The following TP53I3 variants were observed in gnomAD, a reference collection of about 807,000 sequenced individuals.
The protein encoded by TP53I3 is tumor protein p53 inducible protein 3, also known as quinone oxidoreductase PIG3.
TP53I3 carries 32 observed loss-of-function variants against 27.7 expected under a neutral mutation model. The observed-to-expected ratio is 1.16, with a 90% CI of 0.87 to 1.55. The LOEUF is 1.55. Among genes scored for constraint, TP53I3 ranks in the 40% most tolerant of loss-of-function variants. TP53I3 has a pLI of 0.00. For synonymous variants in TP53I3, 138 were observed against 167.8 expected (o/e 0.82, Z 1.37); for missense variants, 372 against 412.3 (o/e 0.90, Z 0.85).
In TP53I3 at chr2:24,084,409, GA is replaced by G. The variant is rs1023706251; in HGVS notation, c.-84del. The stretch of plus-strand genomic sequence containing the variant: ...GACAGGACAGGGCAGGGCAGGACAG[GA>G]CAGGGCAGGGGCCGCTGTATCCTCG... On this transcript the variant is annotated 5_prime_UTR_variant, in exon 1 of 5. Transcript: ENST00000238721. This position sits in a 1 kb window ranked among gnomAD's most constrained non-coding sequence, Gnocchi z 8.4. 6.2e-4 allele frequency: 905 copies of G among 1,449,962 alleles called. No homozygotes were observed. Among genetic ancestry groups the G allele is most frequent in the Non-Finnish European group, 7.9e-4 (858 of 1,089,776 alleles). 89.8% of individuals were successfully genotyped at this position (1,449,962 alleles called of 1,614,324 possible).
In TP53I3 at chr2:24,084,351, CAGGGCAGGACAGGACAGGGCAG is replaced by C; in HGVS notation, c.-47_-26del. The C allele has an allele frequency of 1.4e-6, 2 of 1,395,960 alleles. No individual in the cohort carries two copies. Among genetic ancestry groups the C allele is most frequent in the Non-Finnish European group, 1.9e-6 (2 of 1,025,856 alleles). 86.5% of individuals were successfully genotyped at this position (1,395,960 alleles called of 1,614,324 possible). A position where few individuals can be genotyped will look rare whatever the true frequency, so the allele number is the denominator to read the frequency against. The stretch of plus-strand genomic sequence containing the variant: ...TATTGTCTGAGGACACAGGGCAGGG[CAGGGCAGGACAGGACAGGGCAG>C]GGCAGGGCAGGACAGGACAGGGCAG... On this transcript the variant is annotated 5_prime_UTR_variant, in exon 1 of 5. Coordinates refer to ENST00000238721, the MANE Select transcript of TP53I3 (RefSeq NM_004881.5). The surrounding 1 kb of genome is among the most constrained non-coding windows in gnomAD (Gnocchi z 8.4).
rs1664801767 is a variant in TP53I3, at chr2:24,077,504, G to A, written c.*75C>T. 1.3e-6 allele frequency: 2 copies of A among 1,482,110 alleles called. No homozygotes were observed. Among genetic ancestry groups the A allele is most frequent in the Non-Finnish European group, 1.8e-6 (2 of 1,106,390 alleles). The allele number at this position is 1,482,110 out of a possible 1,614,324, so 91.8% of individuals were successfully genotyped here. On this transcript the variant is annotated 3_prime_UTR_variant, in exon 5 of 5. Transcript: ENST00000238721. The surrounding 1 kb of genome is among the most constrained non-coding windows in gnomAD (Gnocchi z 5.5). ...GAGGAAGCACCGGGTTTCTTGGCCTGTCTATTGTGAATCTTCTCCAGGTTT... is the reference window on the plus strand; with the variant it reads ...GAGGAAGCACCGGGTTTCTTGGCCTATCTATTGTGAATCTTCTCCAGGTTT...
Position 24,077,831 on chromosome 2 carries a change from C to A in TP53I3, c.817-70G>T. The A allele has an allele frequency of 6.6e-7, 1 of 1,520,826 alleles. No homozygotes were observed. Among genetic ancestry groups the A allele is most frequent in the South Asian group, 1.3e-5 (1 of 79,830 alleles). The allele number at this position is 1,520,826 out of a possible 1,614,324, so 94.2% of individuals were successfully genotyped here. A position where few individuals can be genotyped will look rare whatever the true frequency, so the allele number is the denominator to read the frequency against. Reference sequence around the variant, plus strand: ...ACCCTGCCCTCCTCATCCTCCTCAGCCTTCTTGCTCTCTCTGAAGCCACGT... The same window carrying A: ...ACCCTGCCCTCCTCATCCTCCTCAGACTTCTTGCTCTCTCTGAAGCCACGT... On this transcript the variant is annotated intron_variant, in intron 4 of 4. Transcript: ENST00000238721. The surrounding 1 kb of genome is among the most constrained non-coding windows in gnomAD (Gnocchi z 5.5).
In TP53I3 at chr2:24,084,058, G is replaced by A; in HGVS notation, c.138+131C>T. 13 of 1,382,964 alleles carry A rather than the reference G, an allele frequency of 9.4e-6. No homozygotes were observed. Among genetic ancestry groups the A allele is most frequent in the Non-Finnish European group, 1.1e-5 (12 of 1,052,084 alleles). The allele number at this position is 1,382,964 out of a possible 1,614,324, so 85.7% of individuals were successfully genotyped here. A position where few individuals can be genotyped will look rare whatever the true frequency, so the allele number is the denominator to read the frequency against. ...GAGGGCGCCCTGGGTTTAGGTCTGG[G>A]AAGCCCCAGCGCAGCTGCCTGCTGG... On this transcript the variant is annotated intron_variant, in intron 1 of 4. Coordinates refer to ENST00000238721, the MANE Select transcript of TP53I3 (RefSeq NM_004881.5). The surrounding 1 kb of genome is among the most constrained non-coding windows in gnomAD (Gnocchi z 8.4).
intron 1 of TP53I3, 122 bp from the exon 2 acceptor site, chr2:24,083,274 G>A: frequency 7.5e-7 from 1 of 1,336,656 alleles, no homozygotes; most frequent in Non-Finnish European, 1.0e-6. Flanking sequence ...AATGAAGTCA[G>A]GTTTTTGTAA....
In TP53I3 at chr2:24,080,164, C is replaced by G. The variant is rs1664936215; in HGVS notation, c.620-524G>C. 6.6e-6 allele frequency among the ~76,000 whole-genome samples: 1 copy of G among 152,070 alleles called. No individual in the cohort carries two copies. The highest frequency in any genetic ancestry group is 1.9e-4 in the East Asian group (1 of 5,198). Reference sequence around the variant, plus strand: ...CTGAGGTCAGGAGTTCGAGACCAGCCTGGCCAACATAGTGAAAGCCCGTCT... The same window carrying G: ...CTGAGGTCAGGAGTTCGAGACCAGCGTGGCCAACATAGTGAAAGCCCGTCT... On this transcript the variant is annotated intron_variant, in intron 3 of 4. Coordinates refer to ENST00000238721, the MANE Select transcript of TP53I3 (RefSeq NM_004881.5). This position sits in a 1 kb window ranked among gnomAD's most constrained non-coding sequence, Gnocchi z 4.7.
rs1418745651 is a variant in TP53I3 at position 24,077,437 on chromosome 2, A to G, written c.*142T>C. On this transcript the variant is annotated 3_prime_UTR_variant, in exon 5 of 5. Coordinates refer to ENST00000238721, the MANE Select transcript of TP53I3 (RefSeq NM_004881.5). The surrounding 1 kb of genome is among the most constrained non-coding windows in gnomAD (Gnocchi z 5.5). ...GCCCCAGTCCGCGTGCCACCCTTCCAGTTCACTCTTTATTTCCTCATATCA... is the reference window on the plus strand; with the variant it reads ...GCCCCAGTCCGCGTGCCACCCTTCCGGTTCACTCTTTATTTCCTCATATCA... The G allele has an allele frequency of 1.0e-6, 1 of 974,960 alleles. No homozygotes were observed. Among genetic ancestry groups the G allele is most frequent in the Non-Finnish European group, 1.4e-6 (1 of 709,500 alleles). 60.4% of individuals were successfully genotyped at this position (974,960 alleles called of 1,614,324 possible).
chr2:24,084,255 G>T lies in TP53I3; in HGVS notation c.72C>A (p.Ser24Arg), dbSNP rs146197887. The change falls in exon 1 of 5, where the codon AGC becomes AGA. Residue 24 changes from serine (S) to arginine (R), a missense_variant. By Grantham distance (110) the Ser-to-Arg change is moderately radical (BLOSUM62 -1). Transcript: ENST00000238721. The surrounding 1 kb of genome is among the most constrained non-coding windows in gnomAD (Gnocchi z 8.4). ...NLYVKEVAKP[S>R]PGEGEVLLKV... is the part of the protein sequence containing the mutation. Reference sequence around the variant, plus strand: ...TCAGGAGGACTTCACCCTCCCCCGGGCTCGGCTTGGCCACCTCCTTCACGT... The same window carrying T: ...TCAGGAGGACTTCACCCTCCCCCGGTCTCGGCTTGGCCACCTCCTTCACGT... 1.5e-5 allele frequency: 24 copies of T among 1,613,770 alleles called. No individual in the cohort carries two copies. Among genetic ancestry groups the T allele is most frequent in the Non-Finnish European group, 2.0e-5 (24 of 1,179,912 alleles).
rs1479607475 is a variant in TP53I3, at chr2:24,084,747, CT to C, written c.-422del. The C allele has an allele frequency of 6.3e-6, 1 of 158,736 alleles. No homozygotes were observed. The highest frequency in any genetic ancestry group is 2.4e-5 in the African/African-American group (1 of 41,656). The allele number at this position is 158,736 out of a possible 1,614,324, so 9.8% of individuals were successfully genotyped here. On this transcript the variant is annotated 5_prime_UTR_variant, in exon 1 of 5. The change abolishes the stop of an existing upstream ORF in the 5' untranslated region. Coordinates refer to ENST00000238721, the MANE Select transcript of TP53I3 (RefSeq NM_004881.5). The surrounding 1 kb of genome is among the most constrained non-coding windows in gnomAD (Gnocchi z 8.4). ...GTTACTTACTCCTGGCCCGGCTCCC[CT>C]CCCATGCACCAGGCGGCGCCGAGTG...
intron 2 of TP53I3, among the ~76,000 whole-genome samples, chr2:24,082,192 C>T (rs961530272): frequency 2.0e-5 from 3 of 152,152 alleles, no homozygotes; most frequent in South Asian, 2.1e-4. Flanking sequence ...AACAGGGTTT[C>T]GCCATGTTGC....
chr2:24,079,243 C>A lies in TP53I3; in HGVS notation c.816+201G>T, dbSNP rs1457467758. 3 of 579,568 alleles carry A rather than the reference C, an allele frequency of 5.2e-6. No homozygotes were observed. In the East Asian group the frequency reaches 8.4e-5, roughly 16 times the overall value. The allele number at this position is 579,568 out of a possible 1,614,324, so 35.9% of individuals were successfully genotyped here. On this transcript the variant is annotated intron_variant, in intron 4 of 4. Coordinates refer to ENST00000238721, the MANE Select transcript of TP53I3 (RefSeq NM_004881.5). Reference sequence around the variant, plus strand: ...AACCTGTGAAGTATCAGCTACACTTCTTTTCATGATACTGAAGCTTCTATC... The same window carrying A: ...AACCTGTGAAGTATCAGCTACACTTATTTTCATGATACTGAAGCTTCTATC...
At position 24,079,447 on chromosome 2, in the gene TP53I3, A is replaced by G. The variant is rs140931460; in HGVS notation, c.813T>C (p.Asn271=). ...LITSLLRSRD[N]KYKQMLVNAF... ...TTTCTTTTCATTCATCACTCACCTT[A>G]TTGTCCCTAGACCTCAGCAAACTGG... Residue 271 remains asparagine, a synonymous_variant, in exon 4 of 5, where the codon AAT becomes AAC. Transcript: ENST00000238721. The G allele has an allele frequency of 1.2e-6, 2 of 1,613,706 alleles. No homozygotes were observed. The highest frequency in any genetic ancestry group is 4.5e-5 in the East Asian group (2 of 44,882).
At chr2:24,078,628 T>A (rs1664864378) in intron 4 of TP53I3, among the ~76,000 whole-genome samples, 1 of 152,188 alleles carries the variant, frequency 6.6e-6, no homozygotes, top group Non-Finnish European at 1.5e-5. Flanking sequence ...TCCAAATGTG[T>A]AACTTCTGTT....
In TP53I3 at chr2:24,084,127, A is replaced by G. The variant is rs1010830841; in HGVS notation, c.138+62T>C. The G allele has an allele frequency of 6.5e-7, 1 of 1,549,886 alleles. No homozygotes were observed. Among genetic ancestry groups the G allele is most frequent in the African/African-American group, 1.4e-5 (1 of 73,846 alleles). ...CTTCACGTCTGGTCAATGTCCACTG[A>G]GTGCTGTTGAGAGGGAGGCTCTGGA... On this transcript the variant is annotated intron_variant, in intron 1 of 4. Transcript: ENST00000238721. This position sits in a 1 kb window ranked among gnomAD's most constrained non-coding sequence, Gnocchi z 8.4.
At chr2:24,083,518 C>T (rs1274867807) in intron 1 of TP53I3, among the ~76,000 whole-genome samples, 1 of 152,190 alleles carries the variant, frequency 6.6e-6, no homozygotes, top group Non-Finnish European at 1.5e-5. Context: ...CCCCAGTCCT[C>T]AGAAGCTGTA....
intron 1 of TP53I3, among the ~76,000 whole-genome samples, chr2:24,083,613 TC>T (rs1665113366): frequency 1.3e-5 from 2 of 152,270 alleles, no homozygotes; most frequent in South Asian, 4.1e-4. Context: ...CCATCACGTT[TC>T]TTTTGTGCCC....
rs748712322 is a variant in TP53I3, at chr2:24,084,317, C to T, written c.10G>A (p.Val4Met). 1 of 1,613,644 alleles carries T rather than the reference C, an allele frequency of 6.2e-7. No homozygotes were observed. The highest frequency in any genetic ancestry group is 8.5e-7 in the Non-Finnish European group (1 of 1,179,904). The stretch of plus-strand genomic sequence containing the variant: ...GGTCCTCCCGGCTTGTCAAAGTGCA[C>T]GGCTAACATATTGTCTGAGGACACA... Reference protein sequence around the residue: MLAVHFDKPGGPEN... With the variant: MLAMHFDKPGGPEN... The change falls in exon 1 of 5, where the codon GTG (valine) becomes ATG (methionine). Residue 4 changes from valine (V) to methionine (M), a missense_variant. Transcript: ENST00000238721. This position sits in a 1 kb window ranked among gnomAD's most constrained non-coding sequence, Gnocchi z 8.4.
At chr2:24,079,238 C>G (rs1664890170) in intron 4 of TP53I3, 1 of 571,204 alleles carries the variant, frequency 1.8e-6, no homozygotes, top group African/African-American at 1.9e-5. Context: ...GTATCAGCTA[C>G]ACTTCTTTTC....
chr2:24,080,926 G>C lies in TP53I3; in HGVS notation c.512C>G (p.Thr171Arg). Reference protein sequence around the residue: ...TRMAGAIPLVTAGSQKKLQMA... With the variant: ...TRMAGAIPLVRAGSQKKLQMA... Reference sequence around the variant, plus strand: ...TTGAAGCTTCTTCTGGGAGCCAGCTGTGACCAGAGGAATAGCTCCAGCCAT... The same window carrying C: ...TTGAAGCTTCTTCTGGGAGCCAGCTCTGACCAGAGGAATAGCTCCAGCCAT... Residue 171 changes from threonine to arginine, a missense_variant, in exon 3 of 5, where the codon ACA (threonine) becomes AGA (arginine). Physicochemically the swap from Thr to Arg is moderately conservative, Grantham distance 71 (BLOSUM62 -1). Coordinates refer to ENST00000238721, the MANE Select transcript of TP53I3 (RefSeq NM_004881.5). The surrounding 1 kb of genome is among the most constrained non-coding windows in gnomAD (Gnocchi z 4.7). 3 of 1,614,234 alleles carry C rather than the reference G, an allele frequency of 1.9e-6. No individual in the cohort carries two copies. The highest frequency in any genetic ancestry group is 2.5e-6 in the Non-Finnish European group (3 of 1,180,052).
Sources: gnomAD v4.1 joint callset for allele counts (sites outside exome capture counted in the v4.1 genomes callset) on GRCh38, gnomAD v4.1.1 for gene constraint, Gnocchi (gnomAD v3.1) non-coding constraint, MANE v1.5 for transcripts, NCBI Gene and HGNC (gene_info 2026-07-23, HGNC 2026-07-21) for gene names.